The following KEL variants were observed in gnomAD, a reference collection of about 807,000 sequenced individuals.
The protein encoded by KEL is Kell metallo-endopeptidase (Kell blood group).
Under a neutral mutation model 99.5 loss-of-function variants are expected in KEL, and 96 were observed. The observed-to-expected ratio is 0.97, with a 90% CI of 0.82 to 1.14. KEL has a LOEUF of 1.14. Among genes scored for constraint, KEL ranks in the 50% most tolerant of loss-of-function variants. KEL has a pLI of 0.00. For synonymous variants in KEL, 355 were observed against 354.8 expected, an observed-to-expected ratio of 1.00 and a Z score of -0.01; for missense variants, 926 against 924.2, an observed-to-expected ratio of 1.00 and a Z score of -0.03.
At chr7:142,949,825 A>G (rs1300611326) in intron 10 of KEL, among the ~76,000 whole-genome samples, 1 of 152,258 alleles carries the variant, frequency 6.6e-6, no homozygotes, top group East Asian at 1.9e-4. Flanking sequence ...TAAATCATTC[A>G]CATTTAATCA....
chr7:142,948,789 C>T (rs2044585082), intron 10 of KEL, among the ~76,000 whole-genome samples: 1 of 152,120 alleles, frequency 6.6e-6, no homozygotes. Context: ...ATCAGAGCTA[C>T]AGGCTGTGGT....
At chr7:142,942,671 C>T in intron 17 of KEL, 142 bp from the exon 18 acceptor site, 1 of 872,022 alleles carries the variant, frequency 1.1e-6, no homozygotes, top group Non-Finnish European at 1.9e-6. Context: ...AGAAAGAGTA[C>T]TTCCCAGAAG....
chr7:142,944,940 A>C (rs1291104497), intron 11 of KEL, 199 bp from the exon 12 acceptor site: 1 of 632,186 alleles, frequency 1.6e-6, no homozygotes, highest in East Asian at 2.7e-5. Flanking sequence ...CCACAAAGGG[A>C]AGGTGGGGCC....
intron 9 of KEL, 145 bp downstream of exon 9, chr7:142,953,663 T>C: frequency 1.0e-6 from 1 of 979,250 alleles, no homozygotes; most frequent in Non-Finnish European, 1.6e-6. Flanking sequence ...CACGCTTCTC[T>C]GCCCGCACAG....
chr7:142,943,157 G>A (rs768779190), intron 16 of KEL, 113 bp from the exon 17 acceptor site: 78 of 1,551,658 alleles, frequency 5.0e-5, no homozygotes, highest in Non-Finnish European at 6.2e-5. Flanking sequence ...GCATGGCAAA[G>A]TTCCCAGGAC....
chr7:142,961,003 C>T lies in KEL; in HGVS notation c.325G>A (p.Gly109Arg), dbSNP rs1057237493. 2 of 1,614,212 alleles carry T rather than the reference C, an allele frequency of 1.2e-6. No individual in the cohort carries two copies. The highest frequency in any genetic ancestry group is 1.7e-6 in the Non-Finnish European group (2 of 1,180,042). ...PCTDFFSFAC[G>R]RAKETNNSFQ... ...GAATTATTGGTCTCTTTGGCCCTTC[C>T]ACAGGCAAAGCTGAAGAAGTCGGTG... The change falls in exon 4 of 19, where the codon GGA (glycine) becomes AGA (arginine). Residue 109 changes from glycine (G) to arginine (R), a missense_variant. Physicochemically the swap from Gly to Arg is moderately radical, Grantham distance 125. Coordinates refer to ENST00000355265, the MANE Select transcript of KEL (RefSeq NM_000420.3).
intron 6 of KEL, among the ~76,000 whole-genome samples, chr7:142,956,493 T>C (rs1796833802): frequency 6.6e-6 from 1 of 151,882 alleles, no homozygotes; most frequent in Non-Finnish European, 1.5e-5. Context: ...TTCTTAGAAA[T>C]AATCAGGCTC....
Position 142,944,709 on chromosome 7 carries a change from G to C in KEL, c.1347C>G (p.Ala449=), listed in dbSNP as rs1387492330. ...GAAGGTTTCTGAGGCGAGTGATGAG[G>C]GCATCCCGGATCGCAGTGAATAATT... is the stretch of plus-strand genomic sequence containing the variant. ...AMKLFTAIRD[A]LITRLRNLPW... is the part of the protein sequence containing the mutation. The change falls in exon 12 of 19, where the codon GCC becomes GCG. Residue 449 remains alanine (A), a synonymous_variant. Coordinates refer to ENST00000355265, the MANE Select transcript of KEL (RefSeq NM_000420.3). 2 of 1,613,998 alleles carry C rather than the reference G, an allele frequency of 1.2e-6. No homozygotes were observed. Among genetic ancestry groups the C allele is most frequent in the Non-Finnish European group, 1.7e-6 (2 of 1,179,990 alleles).
chr7:142,953,998 G>C, intron 8 of KEL, 42 bp from the exon 9 acceptor site: 1 of 1,609,462 alleles, frequency 6.2e-7, no homozygotes, highest in Non-Finnish European at 8.5e-7. Context: ...AAGGAAAAGA[G>C]AAGGAAGGGG....
intron 4 of KEL, among the ~76,000 whole-genome samples, chr7:142,960,016 C>A (rs1052333215): frequency 6.6e-6 from 1 of 152,284 alleles, no homozygotes; most frequent in South Asian, 2.1e-4. Context: ...ATCCTCACCA[C>A]CATCCACCAA....
At chr7:142,941,614 A>G (rs572694275) in intron 18 of KEL, among the ~76,000 whole-genome samples, 1 of 152,238 alleles carries the variant, frequency 6.6e-6, no homozygotes, top group East Asian at 1.9e-4. Flanking sequence ...GTGTAATGAT[A>G]CCATTTATCA....
At chr7:142,956,435 G>A (rs763702405) in intron 6 of KEL, among the ~76,000 whole-genome samples, 1 of 151,466 alleles carries the variant, frequency 6.6e-6, no homozygotes, top group Non-Finnish European at 1.5e-5. Context: ...GGCCTCAGTA[G>A]CTCTTTTTTT....
chr7:142,945,634 T>C (rs1294693701), intron 11 of KEL, among the ~76,000 whole-genome samples: 1 of 148,614 alleles, frequency 6.7e-6, no homozygotes, highest in Non-Finnish European at 1.5e-5. Context: ...CAATTTTCCT[T>C]TTTTTTTTTT....
At position 142,944,326 on chromosome 7, in the gene KEL, G is replaced by A. The variant is rs139823086; in HGVS notation, c.1488C>T (p.Asn496=). Reference sequence around the variant, plus strand: ...GCTGGAAAACACAGGGACCCACATCGTTGTATTCTTGTCGGGCCAGCTCTG... The same window carrying A: ...GCTGGAAAACACAGGGACCCACATCATTGTATTCTTGTCGGGCCAGCTCTG... ...LKPELARQEY[N]DIQLGSSFLQ... is the part of the protein sequence containing the mutation. Residue 496 remains asparagine, a synonymous_variant, in exon 13 of 19, where the codon AAC becomes AAT. Coordinates refer to ENST00000355265, the MANE Select transcript of KEL (RefSeq NM_000420.3). 47 of 1,612,994 alleles carry A rather than the reference G, an allele frequency of 2.9e-5. No homozygotes were observed. Among genetic ancestry groups the A allele is most frequent in the Middle Eastern group, 1.6e-4 (1 of 6,062 alleles).
In KEL at chr7:142,961,342, G is replaced by A; in HGVS notation, c.223+18C>T. On this transcript the variant is annotated intron_variant, in intron 3 of 18. Transcript: ENST00000355265. ...GGGGGAGGGCTGACTAGGTTAGGGG[G>A]TCTGGGATCTTGCTTACGAGGGCCA... The A allele has an allele frequency of 1.2e-6, 2 of 1,612,910 alleles. No homozygotes were observed. The highest frequency in any genetic ancestry group is 1.1e-5 in the South Asian group (1 of 91,030).
At position 142,941,274 on chromosome 7, in the gene KEL, G is replaced by C. The variant is rs1796344494; in HGVS notation, c.2177C>G (p.Ser726Cys). The C allele has an allele frequency of 6.2e-7, 1 of 1,614,180 alleles. No homozygotes were observed. The highest frequency in any genetic ancestry group is 8.5e-7 in the Non-Finnish European group (1 of 1,180,040). The change falls in exon 19 of 19, where the codon TCC becomes TGC. Residue 726 changes from serine to cysteine, a missense_variant. Transcript: ENST00000355265. Reference protein sequence around the residue: ...RCARGALLNPSSRCQLW With the variant: ...RCARGALLNPCSRCQLW Reference sequence around the variant, plus strand: ...AAGTTACCAGAGCTGGCAGCGGCTGGAGGGGTTCAAGAGAGCACCACGTGC... The same window carrying C: ...AAGTTACCAGAGCTGGCAGCGGCTGCAGGGGTTCAAGAGAGCACCACGTGC...
At chr7:142,946,378 C>T (rs554460624) in intron 10 of KEL, 61 bp from the exon 11 acceptor site, 1 of 1,277,998 alleles carries the variant, frequency 7.8e-7, no homozygotes, top group Non-Finnish European at 1.1e-6. Flanking sequence ...ATCTGTCTCC[C>T]CAGTCTTCAC....
rs780524753 is a variant in KEL, at chr7:142,953,805, A to T, written c.1073+3T>A. The stretch of plus-strand genomic sequence containing the variant: ...GATCTCCCCAATCCCACCTGCGGCG[A>T]ACCTCTGCTTTAGCAGCATCTCCTC... On this transcript the variant is annotated splice_donor_region_variant and intron_variant, in intron 9 of 18. Coordinates refer to ENST00000355265, the MANE Select transcript of KEL (RefSeq NM_000420.3). 2.9e-5 allele frequency: 46 copies of T among 1,613,944 alleles called. 1 individual carries two copies. The highest frequency in any genetic ancestry group is 3.8e-5 in the Non-Finnish European group (45 of 1,180,024).
At chr7:142,954,700 G>A (rs1255832042) in intron 6 of KEL, among the ~76,000 whole-genome samples, 173 bp from the exon 7 acceptor site, 6 of 152,114 alleles carry the variant, frequency 3.9e-5, no homozygotes, top group Non-Finnish European at 5.9e-5. Flanking sequence ...AGGGGCATGA[G>A]AAGAAGAGTC....
Sources: allele counts gnomAD v4.1 joint callset (sites outside exome capture counted in the v4.1 genomes callset), GRCh38; gene constraint gnomAD v4.1.1; transcripts MANE v1.5; gene names NCBI Gene and HGNC (gene_info 2026-07-23, HGNC 2026-07-21).